Variants in KCNIP4 observed in about 807,000 individuals in gnomAD.
KCNIP4 encodes the protein Kv channel-interacting protein 4.
A neutral mutation model predicts 34.0 loss-of-function variants in KCNIP4; 12 were observed. The ratio of observed to expected loss-of-function variants is 0.35; its 90% CI spans 0.23 to 0.57. KCNIP4 has a LOEUF of 0.57. Ranked by LOEUF, KCNIP4 falls within the 20% of genes least tolerant of loss-of-function variation. KCNIP4 has a pLI of 0.83. For missense variants in KCNIP4, 238 were observed against 311.7 expected (o/e 0.76, Z 1.78); for synonymous variants, 124 against 102.2 (o/e 1.21, Z -1.29).
intron 1 of KCNIP4, among the ~76,000 whole-genome samples, chr4:21,501,248 T>TCACACACACACACA (rs34406802): frequency 2.9e-5 from 3 of 104,186 alleles, no homozygotes; most frequent in Admixed American, 1.1e-4. Context: ...TCTCTCTCTC[T>TCACACACACACACA]CACACACACA....
intron 1 of KCNIP4, among the ~76,000 whole-genome samples, chr4:20,975,598 C>G (rs1211612408): frequency 6.6e-5 from 10 of 152,180 alleles, no homozygotes; most frequent in Non-Finnish European, 1.5e-5. Flanking sequence ...GTTTGGCAGA[C>G]AATTCCACCA....
rs115362692 is a variant in KCNIP4, at chr4:21,118,260, C to T, written c.62-235551G>A. On this transcript the variant is annotated intron_variant, in intron 1 of 8. Coordinates refer to ENST00000382152, the MANE Select transcript of KCNIP4 (RefSeq NM_025221.6). ...TCCAATCCACAAACCCTGCAGCAAA[C>T]GGTCCAGGAAGCCAAACTGCAAACT... Among the ~76,000 whole-genome samples, 639 of 152,260 alleles carry T rather than the reference C, an allele frequency of 4.2e-3. 3 individuals are homozygous for T. The highest frequency in any genetic ancestry group is 0.014 in the African/African-American group (590 of 41,556).
chr4:21,935,076 G>T (rs976518628), intron 1 of KCNIP4, among the ~76,000 whole-genome samples: 7 of 152,032 alleles, frequency 4.6e-5, no homozygotes, highest in Middle Eastern at 3.4e-3. Flanking sequence ...CTGGAGTATA[G>T]AGCCTGCCTA....
chr4:21,555,341 T>C (rs1214698512), intron 1 of KCNIP4, among the ~76,000 whole-genome samples: 1 of 152,130 alleles, frequency 6.6e-6, no homozygotes, highest in Non-Finnish European at 1.5e-5. Flanking sequence ...TGAAAATCAA[T>C]AAAATCTGTG....
chr4:20,972,163 C>A (rs978233692), intron 1 of KCNIP4, among the ~76,000 whole-genome samples: 8 of 152,132 alleles, frequency 5.3e-5, no homozygotes, highest in African/African-American at 1.9e-4. Context: ...CCCTCAAAAT[C>A]ATTCATGAGA....
intron 1 of KCNIP4, among the ~76,000 whole-genome samples, chr4:21,054,550 T>C (rs943791346): frequency 2.8e-5 from 4 of 144,822 alleles, no homozygotes; most frequent in African/African-American, 7.6e-5. Flanking sequence ...GACAAAGAGG[T>C]GAATGGAATA....
intron 1 of KCNIP4, among the ~76,000 whole-genome samples, chr4:21,294,988 A>G (rs1378062147): frequency 2.0e-5 from 3 of 152,166 alleles, no homozygotes; most frequent in African/African-American, 7.2e-5. Context: ...TATTCTCACT[A>G]TGGCAAGTGT....
At chr4:21,583,318 G>C (rs558651033) in intron 1 of KCNIP4, among the ~76,000 whole-genome samples, 1 of 152,028 alleles carries the variant, frequency 6.6e-6, no homozygotes, top group South Asian at 2.1e-4. Flanking sequence ...TGTGGATTTA[G>C]GAAGTTATTT....
chr4:21,071,154 T>C (rs1272330265), intron 1 of KCNIP4, among the ~76,000 whole-genome samples: 1 of 152,170 alleles, frequency 6.6e-6, no homozygotes, highest in Non-Finnish European at 1.5e-5. Flanking sequence ...ATGGATCATG[T>C]CTAAGAACTC....
chr4:21,215,890 T>TA, intron 1 of KCNIP4, among the ~76,000 whole-genome samples: 1 of 152,238 alleles, frequency 6.6e-6, no homozygotes, highest in East Asian at 1.9e-4. Context: ...CTCCATGGCC[T>TA]ACTGCAGCCT....
At chr4:21,806,970 C>T (rs912031193) in intron 1 of KCNIP4, among the ~76,000 whole-genome samples, 4 of 152,046 alleles carry the variant, frequency 2.6e-5, no homozygotes, top group Admixed American at 6.6e-5. Flanking sequence ...AATCATACCA[C>T]TCACCATAAT....
intron 1 of KCNIP4, among the ~76,000 whole-genome samples, chr4:21,439,298 C>T (rs1727236633): frequency 6.6e-6 from 1 of 152,080 alleles, no homozygotes; most frequent in South Asian, 2.1e-4. Flanking sequence ...TTATGAATAT[C>T]GCCATTAAAT....
intron 1 of KCNIP4, among the ~76,000 whole-genome samples, chr4:21,382,648 A>G (rs1721621688): frequency 6.6e-6 from 1 of 152,208 alleles, no homozygotes; most frequent in Non-Finnish European, 1.5e-5. Context: ...CTACACCTGC[A>G]GTAGCCTTTA....
chr4:20,857,069 A>T (rs1457934679), intron 2 of KCNIP4, among the ~76,000 whole-genome samples: 1 of 150,708 alleles, frequency 6.6e-6, no homozygotes, highest in Non-Finnish European at 1.5e-5. Flanking sequence ...AACGCCCTTG[A>T]AGTGTCTGCC....
At chr4:21,280,775 T>C (rs1762726102) in intron 1 of KCNIP4, among the ~76,000 whole-genome samples, 1 of 152,162 alleles carries the variant, frequency 6.6e-6, no homozygotes, top group African/African-American at 2.4e-5. Flanking sequence ...AAACCTACTA[T>C]TCTATGGTAT....
chr4:20,850,744 G>C, intron 2 of KCNIP4, 77 bp from the exon 3 acceptor site: 1 of 1,509,212 alleles, frequency 6.6e-7, no homozygotes, highest in Non-Finnish European at 8.9e-7. Flanking sequence ...AAAGGAAAAC[G>C]GAAGAACATG....
Position 21,043,374 on chromosome 4 carries a change from G to T in KCNIP4, c.62-160665C>A, listed in dbSNP as rs548151673. Among the ~76,000 whole-genome samples the T allele has an allele frequency of 1.6e-3, 244 of 152,294 alleles. 1 individual carries two copies. The highest frequency in any genetic ancestry group is 0.013 in the South Asian group (64 of 4,828). ...AGACGGAGTCTCACTCTGTCATCCA[G>T]GCTGGAGTGCATTGGTGCGATCTCA... On this transcript the variant is annotated intron_variant, in intron 1 of 8. Transcript: ENST00000382152.
rs555879067 is a variant in KCNIP4, at chr4:21,531,135, A to T, written c.61+417436T>A. 5.0e-4 allele frequency among the ~76,000 whole-genome samples: 76 copies of T among 152,284 alleles called. 1 individual carries two copies. Among genetic ancestry groups the T allele is most frequent in the African/African-American group, 1.7e-3 (71 of 41,554 alleles). On this transcript the variant is annotated intron_variant, in intron 1 of 8. Transcript: ENST00000382152. ...CTGGCTATTTGGTTTTTAGGGAGTC[A>T]GGAGCACTAACCTGCTCTTTCAGCT...
chr4:21,564,705 G>A (rs1739708591), intron 1 of KCNIP4, among the ~76,000 whole-genome samples: 1 of 152,066 alleles, frequency 6.6e-6, no homozygotes, highest in Admixed American at 6.6e-5. Context: ...CCCACAGGCT[G>A]TAAAAGAAGC....
Sources: allele counts gnomAD v4.1 joint callset (sites outside exome capture counted in the v4.1 genomes callset), GRCh38; gene constraint gnomAD v4.1.1; transcripts MANE v1.5; gene names NCBI Gene and HGNC (gene_info 2026-07-23, HGNC 2026-07-21).